The following HAUS7 variants were observed in gnomAD, a reference collection of about 807,000 sequenced individuals.
HAUS7 encodes HAUS augmin-like complex subunit 7.
HAUS7 carries 3 observed loss-of-function variants against 28.4 expected under a neutral mutation model. The observed-to-expected ratio is 0.11, with a 90% confidence interval of 0.05 to 0.27. The LOEUF (loss-of-function observed/expected upper bound fraction) is 0.27, where lower values mean the gene tolerates loss of function less well. Among genes scored for constraint, HAUS7 ranks in the 10% least tolerant of loss-of-function variants. The pLI, the probability that HAUS7 is intolerant of heterozygous loss-of-function variation, is 1.00. For synonymous variants in HAUS7, 165 were observed against 132.1 expected (o/e 1.25, Z -1.71); for missense variants, 284 against 297.3 (o/e 0.96, Z 0.33).
chrX:153,466,711 C>A (rs1250122434), intron 2 of HAUS7, among the ~76,000 whole-genome samples: 3 of 112,296 alleles, frequency 2.7e-5, no homozygotes, highest in African/African-American at 9.7e-5. Context: ...ATCGTATGCT[C>A]CCTGGCAGCT....
chrX:153,449,271 C>A (rs781905633), intron 9 of HAUS7, among the ~76,000 whole-genome samples: 3 of 112,239 alleles, frequency 2.7e-5, no homozygotes. Flanking sequence ...TCATCCTCTG[C>A]CCATCCCGAG....
intron 1 of HAUS7, chrX:153,482,668 T>G (rs1220274414): frequency 1.3e-6 from 1 of 753,543 alleles, no homozygotes; most frequent in Admixed American, 8.6e-5. Flanking sequence ...CTAGAGCTAC[T>G]GCGAGCAGCT....
chrX:153,477,685 A>C (rs2089571159), intron 1 of HAUS7, among the ~76,000 whole-genome samples: 1 of 112,595 alleles, frequency 8.9e-6, no homozygotes, highest in Non-Finnish European at 1.9e-5. Context: ...TGTGTCACCC[A>C]CAGGACGCAC....
chrX:153,470,109 T>C (rs1428426769), intron 1 of HAUS7, among the ~76,000 whole-genome samples: 4 of 112,703 alleles, frequency 3.5e-5, no homozygotes, highest in Non-Finnish European at 5.6e-5. Flanking sequence ...GCTCTGCCCA[T>C]CTGTCCCCCC....
upstream of HAUS7, among the ~76,000 whole-genome samples, chrX:153,473,364 G>A (rs372589137): frequency 8.9e-6 from 1 of 112,763 alleles, no homozygotes; most frequent in Non-Finnish European, 1.9e-5. Flanking sequence ...CCCACCTGGG[G>A]GCGCCTAGGC....
At chrX:153,455,851 C>T in intron 7 of HAUS7, 85 bp from the exon 8 acceptor site, 1 of 561,905 alleles carries the variant, frequency 1.8e-6, no homozygotes, top group Admixed American at 2.6e-5. Flanking sequence ...CACTGCACAC[C>T]CAGGGCGAGG....
chrX:153,455,820 G>T, intron 7 of HAUS7, 54 bp from the exon 8 acceptor site: 1 of 759,509 alleles, frequency 1.3e-6, no homozygotes, highest in Non-Finnish European at 2.0e-6. Context: ...CAGCCAGGCT[G>T]CCACCGGCCC....
intron 1 of HAUS7, among the ~76,000 whole-genome samples, chrX:153,484,288 T>A (rs1242878385): frequency 8.9e-6 from 1 of 112,507 alleles, no homozygotes; most frequent in Non-Finnish European, 1.9e-5. Context: ...AATCCTTACA[T>A]CTGCAAATAA....
intron 3 of HAUS7, 53 bp from the exon 4 acceptor site, chrX:153,462,724 G>T: frequency 1.0e-6 from 1 of 955,145 alleles, no homozygotes; most frequent in Non-Finnish European, 1.5e-6. Context: ...GACAGCAGGG[G>T]ACAGCAGACA....
At chrX:153,475,067 G>C (rs2089554276), upstream of HAUS7, among the ~76,000 whole-genome samples, 1 of 112,615 alleles carries the variant, frequency 8.9e-6, no homozygotes, top group African/African-American at 3.2e-5. Flanking sequence ...CCGGGCCTGA[G>C]CTCCAGCTTC....
chrX:153,494,132 G>A lies in HAUS7; in HGVS notation c.-589+1242C>T, dbSNP rs56134709. Reference sequence around the variant, plus strand: ...TGGGCTCTAGCCACTGGAGGAACTGGACTCATTTGGGCCCTCAGGAAGCGG... The same window carrying A: ...TGGGCTCTAGCCACTGGAGGAACTGAACTCATTTGGGCCCTCAGGAAGCGG... On this transcript the variant is annotated intron_variant, in intron 1 of 5. Coordinates refer to the HAUS7 transcript ENST00000370210. Among the ~76,000 whole-genome samples, 1,047 of 111,372 alleles carry A rather than the reference G, an allele frequency of 9.4e-3. 6 individuals carry two copies. Among genetic ancestry groups the A allele is most frequent in the Middle Eastern group, 0.023 (5 of 215 alleles).
At chrX:153,459,946 G>T (rs1419969628) in intron 4 of HAUS7, among the ~76,000 whole-genome samples, 3 of 112,004 alleles carry the variant, frequency 2.7e-5, no homozygotes, top group African/African-American at 9.7e-5. Flanking sequence ...AAGCCCGGGG[G>T]CTCATGCTGA....
intron 1 of HAUS7, chrX:153,485,815 GC>G (rs2089632826): frequency 2.2e-6 from 2 of 902,110 alleles, no homozygotes; most frequent in Admixed American, 9.8e-5. Context: ...TGGTGCACGT[GC>G]CCCGCTTCCT....
upstream of HAUS7, among the ~76,000 whole-genome samples, chrX:153,473,835 C>G (rs1380206924): frequency 9.0e-6 from 1 of 111,470 alleles, no homozygotes; most frequent in Non-Finnish European, 1.9e-5. Flanking sequence ...CATCTCCTCC[C>G]TGTCTTCCTG....
intron 9 of HAUS7, among the ~76,000 whole-genome samples, chrX:153,452,761 T>C (rs1273282513): frequency 8.9e-6 from 1 of 111,792 alleles, no homozygotes; most frequent in Admixed American, 9.5e-5. Context: ...GACAGGTGGA[T>C]CACCTGAGGT....
At chrX:153,488,232 C>T (rs938067984) in intron 1 of HAUS7, among the ~76,000 whole-genome samples, 3 of 113,189 alleles carry the variant, frequency 2.7e-5, no homozygotes, top group African/African-American at 9.6e-5. Context: ...CACCTCAGCA[C>T]CCCCATCTCG....
rs200122451 is a variant in HAUS7 at position 153,476,966 on chromosome X, T to C, written c.-588-5821A>G. Among the ~76,000 whole-genome samples the C allele has an allele frequency of 7.2e-4, 81 of 112,789 alleles. 2 individuals carry two copies. In the East Asian group the frequency reaches 0.014, roughly 20 times the overall value. ...GCCCCTGAAGGCTGGCTCTGCTCCA[T>C]GGGGGTTCCTTCAAGGTCCCCACAA... On this transcript the variant is annotated intron_variant, in intron 1 of 5. Transcript: ENST00000370210.
At chrX:153,463,630 C>A (rs1203319508) in intron 3 of HAUS7, among the ~76,000 whole-genome samples, 18 of 112,521 alleles carry the variant, frequency 1.6e-4, no homozygotes, top group African/African-American at 5.8e-4. Flanking sequence ...TCAAAGCCCA[C>A]GTCCTTCTGG....
Position 153,480,961 on chromosome X carries a change from G to A in HAUS7, c.-588-9816C>T, listed in dbSNP as rs189876139. On this transcript the variant is annotated intron_variant, in intron 1 of 5. Coordinates refer to the HAUS7 transcript ENST00000370210. Reference sequence around the variant, plus strand: ...GACCAGGGCCAGAGGACAGGAGGCCGGGAAGACAAGGGAAGGGGCCTGAAA... The same window carrying A: ...GACCAGGGCCAGAGGACAGGAGGCCAGGAAGACAAGGGAAGGGGCCTGAAA... The A allele has an allele frequency of 1.9e-3, 1,402 of 754,163 alleles. 1 individual carries two copies. Among genetic ancestry groups the A allele is most frequent in the African/African-American group, 6.5e-3 (285 of 43,625 alleles). The allele number at this position is 754,163 out of a possible 1,213,427, so 62.2% of individuals were successfully genotyped here. A position where few individuals can be genotyped will look rare whatever the true frequency, so the allele number is the denominator to read the frequency against.
Sources: allele counts gnomAD v4.1 joint callset (sites outside exome capture counted in the v4.1 genomes callset), GRCh38; gene constraint gnomAD v4.1.1; transcripts MANE v1.5; gene names NCBI Gene and HGNC (gene_info 2026-07-23, HGNC 2026-07-21).